The following CSMD3 variants were observed in gnomAD, a reference collection of about 807,000 sequenced individuals.
CSMD3 encodes the protein CUB and sushi domain-containing protein 3.
A neutral mutation model predicts 435.2 loss-of-function variants in CSMD3; 177 were observed. That is an observed-to-expected ratio of 0.41 (90% CI 0.36 to 0.46). CSMD3 has a LOEUF of 0.46. Ranked by LOEUF, CSMD3 falls within the 20% of genes least tolerant of loss-of-function variation. The pLI is 0.34. For synonymous variants in CSMD3, 1,656 were observed against 1,520.5 expected (o/e 1.09, Z -2.07); for missense variants, 4,265 against 4,504.6 (o/e 0.95, Z 1.52).
chr8:112,574,504 T>C (rs1243033492), intron 23 of CSMD3, among the ~76,000 whole-genome samples: 1 of 151,976 alleles, frequency 6.6e-6, no homozygotes, highest in Non-Finnish European at 1.5e-5. Flanking sequence ...TATCTAGAAA[T>C]ACGGGATATG....
chr8:112,858,455 AATG>A (rs1261672775), intron 11 of CSMD3, among the ~76,000 whole-genome samples: 14 of 151,900 alleles, frequency 9.2e-5, no homozygotes, highest in African/African-American at 3.4e-4. Context: ...ATTTGAGAGA[AATG>A]ATGATTTTTC....
intron 6 of CSMD3, among the ~76,000 whole-genome samples, chr8:112,985,006 A>AGATAGAT (rs1400800403): frequency 3.3e-5 from 5 of 151,444 alleles, no homozygotes; most frequent in Non-Finnish European, 7.4e-5. Context: ...ATAGATAGAT[A>AGATAGAT]GATAGATAGA....
chr8:112,895,092 T>C (rs932019413), intron 10 of CSMD3, among the ~76,000 whole-genome samples: 2 of 151,418 alleles, frequency 1.3e-5, no homozygotes, highest in East Asian at 2.0e-4. Flanking sequence ...TATTGAATGC[T>C]TACTGCCTTT....
At chr8:112,680,423 G>C (rs1317219368) in intron 16 of CSMD3, among the ~76,000 whole-genome samples, 1 of 152,128 alleles carries the variant, frequency 6.6e-6, no homozygotes, top group African/African-American at 2.4e-5. Flanking sequence ...GTTCCCCAAA[G>C]CCGGATCAAA....
At chr8:112,602,909 T>G (rs1423799831) in intron 22 of CSMD3, among the ~76,000 whole-genome samples, 1 of 152,104 alleles carries the variant, frequency 6.6e-6, no homozygotes, top group East Asian at 1.9e-4. Flanking sequence ...CAATTCACAT[T>G]TTTGGGTAGT....
chr8:112,755,690 C>A (rs1040653735), intron 13 of CSMD3, among the ~76,000 whole-genome samples: 4 of 151,106 alleles, frequency 2.6e-5, no homozygotes, highest in Admixed American at 6.6e-5. Context: ...ATCCTACAAC[C>A]TATCCTTGTC....
At chr8:113,422,128 A>G (rs1303597791) in intron 1 of CSMD3, among the ~76,000 whole-genome samples, 4 of 152,116 alleles carry the variant, frequency 2.6e-5, no homozygotes, top group African/African-American at 7.2e-5. Flanking sequence ...CCTGTCCTCT[A>G]TGAAGAGGGT....
At chr8:113,250,098 C>G (rs2093320651) in intron 3 of CSMD3, among the ~76,000 whole-genome samples, 1 of 152,030 alleles carries the variant, frequency 6.6e-6, no homozygotes, top group Admixed American at 6.6e-5. Context: ...GAAAACAAAA[C>G]AGACACGAAC....
rs575715932 is a variant in CSMD3, at chr8:112,455,633, C to A, written c.5395+16958G>T. On this transcript the variant is annotated intron_variant, in intron 32 of 70. Coordinates refer to ENST00000297405, the MANE Select transcript of CSMD3 (RefSeq NM_198123.2). The stretch of plus-strand genomic sequence containing the variant: ...TAAATAAATAAATAAATAAATAAAT[C>A]AAAGCATAATCAATGCCTAAGTCAG... Among the ~76,000 whole-genome samples, 31 of 126,694 alleles carry A rather than the reference C, an allele frequency of 2.4e-4. No individual in the cohort carries two copies. The East Asian group carries it at 5.3e-3, about 22-fold the overall frequency. The allele number at this position is 126,694 out of a possible 152,430, so 83.1% of individuals were successfully genotyped here. A position where few individuals can be genotyped will look rare whatever the true frequency, so the allele number is the denominator to read the frequency against.
intron 3 of CSMD3, among the ~76,000 whole-genome samples, chr8:113,256,385 C>T (rs572136057): frequency 1.2e-3 from 180 of 152,148 alleles, no homozygotes; most frequent in Middle Eastern, 3.4e-3. Context: ...GCACCGACAC[C>T]ATTCCTTATT....
rs576186778 is a variant in CSMD3, at chr8:112,526,262, T to C, written c.4565-9037A>G. On this transcript the variant is annotated intron_variant, in intron 27 of 70. Coordinates refer to ENST00000297405, the MANE Select transcript of CSMD3 (RefSeq NM_198123.2). ...AATCATTCAATATCATAGTAGGGCA[T>C]TTTAGTTTATTTGCAAAATAGTACT... Among the ~76,000 whole-genome samples the C allele has an allele frequency of 1.3e-4, 20 of 152,118 alleles. 1 individual carries two copies. The highest frequency in any genetic ancestry group is 4.8e-4 in the African/African-American group (20 of 41,548).
chr8:113,079,733 G>A (rs755074679), intron 5 of CSMD3, among the ~76,000 whole-genome samples: 22 of 151,824 alleles, frequency 1.4e-4, no homozygotes, highest in Non-Finnish European at 2.4e-4. Flanking sequence ...TGTTTTTTTC[G>A]TTTGATGCTA....
chr8:113,127,168 C>T (rs2091157346), intron 4 of CSMD3, among the ~76,000 whole-genome samples: 1 of 151,962 alleles, frequency 6.6e-6, no homozygotes, highest in Non-Finnish European at 1.5e-5. Context: ...GTGCCTTGCT[C>T]CCAAGAGGTG....
intron 1 of CSMD3, among the ~76,000 whole-genome samples, chr8:113,382,115 G>C (rs1016974454): frequency 6.6e-6 from 1 of 152,022 alleles, no homozygotes; most frequent in South Asian, 2.1e-4. Context: ...CATCTGCTTA[G>C]AGTCCTAGAT....
At chr8:112,483,762 C>G (rs1294541237) in intron 31 of CSMD3, among the ~76,000 whole-genome samples, 1 of 152,172 alleles carries the variant, frequency 6.6e-6, no homozygotes, top group African/African-American at 2.4e-5. Context: ...GAGGTAATAG[C>G]AGAAGAAACT....
intron 32 of CSMD3, among the ~76,000 whole-genome samples, chr8:112,423,577 G>A (rs1330955962): frequency 6.6e-6 from 1 of 152,082 alleles, no homozygotes; most frequent in Non-Finnish European, 1.5e-5. Flanking sequence ...AGCCTCCCTA[G>A]TAGCTGGGAC....
At chr8:112,636,729 A>G in intron 22 of CSMD3, 88 bp downstream of exon 22, 2 of 1,124,478 alleles carry the variant, frequency 1.8e-6, no homozygotes, top group Non-Finnish European at 1.3e-6. Context: ...CAGAAATTCA[A>G]CAGATTATAA....
chr8:113,249,818 T>A (rs1484488006), intron 3 of CSMD3, among the ~76,000 whole-genome samples: 1 of 151,484 alleles, frequency 6.6e-6, no homozygotes, highest in Non-Finnish European at 1.5e-5. Flanking sequence ...GAAGAAGTAA[T>A]CTATGGCAAT....
intron 3 of CSMD3, among the ~76,000 whole-genome samples, chr8:113,261,322 T>A (rs1363480276): frequency 1.3e-5 from 2 of 152,186 alleles, no homozygotes; most frequent in Admixed American, 1.3e-4. Context: ...AGGGACTTCA[T>A]AATTATCAAT....
Sources: allele counts gnomAD v4.1 joint callset (sites outside exome capture counted in the v4.1 genomes callset), GRCh38; gene constraint gnomAD v4.1.1; transcripts MANE v1.5; gene names NCBI Gene and HGNC (gene_info 2026-07-23, HGNC 2026-07-21).